CSMD1: variants seen among roughly 807,000 people sequenced by gnomAD.
CSMD1 encodes CUB and Sushi multiple domains 1.
In CSMD1, 213 loss-of-function variants were observed where a neutral mutation model predicts 417.5. That is an observed-to-expected ratio of 0.51 (90% confidence interval 0.46 to 0.57). The LOEUF is 0.57. CSMD1 is among the 20% of genes least tolerant of loss of function. CSMD1 has a pLI of 0.00. For missense variants in CSMD1, 6,923 were observed against 4,529.7 expected, an observed-to-expected ratio of 1.53 and a Z score of -15.17; for synonymous variants, 2,862 against 1,736.8, an observed-to-expected ratio of 1.65 and a Z score of -16.11.
intron 2 of CSMD1, among the ~76,000 whole-genome samples, chr8:4,437,052 G>A (rs1008305769): frequency 6.6e-6 from 1 of 152,036 alleles, no homozygotes; most frequent in East Asian, 1.9e-4. Flanking sequence ...TTTTCCTCAA[G>A]GTAATTTAAT....
chr8:4,201,394 C>T (rs978233146), intron 3 of CSMD1, among the ~76,000 whole-genome samples: 2 of 151,556 alleles, frequency 1.3e-5, no homozygotes, highest in Admixed American at 1.3e-4. Flanking sequence ...AAAAATTAGC[C>T]GGGGGTGGCG....
intron 5 of CSMD1, among the ~76,000 whole-genome samples, chr8:3,861,643 G>C (rs553340443): frequency 1.3e-5 from 2 of 152,328 alleles, no homozygotes; most frequent in African/African-American, 4.8e-5. Flanking sequence ...TTGTCTTGGA[G>C]ATGTATATGG....
chr8:3,838,411 G>C (rs1228392435), intron 5 of CSMD1, among the ~76,000 whole-genome samples: 1 of 148,470 alleles, frequency 6.7e-6, no homozygotes, highest in Non-Finnish European at 1.5e-5. Flanking sequence ...TATATATAGA[G>C]AGAGACTATA....
At chr8:4,110,178 C>G (rs151271846) in intron 3 of CSMD1, among the ~76,000 whole-genome samples, 4 of 152,132 alleles carry the variant, frequency 2.6e-5, no homozygotes, top group Non-Finnish European at 5.9e-5. Flanking sequence ...ATCTGGATCA[C>G]ATATCTAAAG....
chr8:4,688,829 G>C (rs1806574313), intron 1 of CSMD1, among the ~76,000 whole-genome samples: 1 of 152,196 alleles, frequency 6.6e-6, no homozygotes, highest in Non-Finnish European at 1.5e-5. Flanking sequence ...CAAGTGGTCT[G>C]ATGTGATGCC....
intron 5 of CSMD1, among the ~76,000 whole-genome samples, chr8:3,990,733 G>T (rs951238435): frequency 6.6e-6 from 1 of 152,144 alleles, no homozygotes; most frequent in African/African-American, 2.4e-5. Context: ...ACAGTCGATG[G>T]CTTCTCAGAG....
intron 54 of CSMD1, among the ~76,000 whole-genome samples, chr8:2,996,239 G>T (rs1314325003): frequency 1.3e-5 from 2 of 152,030 alleles, no homozygotes; most frequent in African/African-American, 4.8e-5. Context: ...CTGAACATAT[G>T]ACATATTTTA....
At chr8:3,689,959 G>C (rs1800150736) in intron 7 of CSMD1, among the ~76,000 whole-genome samples, 1 of 152,194 alleles carries the variant, frequency 6.6e-6, no homozygotes, top group Non-Finnish European at 1.5e-5. Flanking sequence ...GCTATACAGT[G>C]TCACCAGTAA....
At chr8:4,275,796 T>G (rs1169500188) in intron 3 of CSMD1, among the ~76,000 whole-genome samples, 1 of 152,226 alleles carries the variant, frequency 6.6e-6, no homozygotes, top group Non-Finnish European at 1.5e-5. Context: ...GCTATAACTT[T>G]GGCATGACTA....
At chr8:3,058,802 T>C (rs1027218176) in intron 49 of CSMD1, among the ~76,000 whole-genome samples, 2 of 151,784 alleles carry the variant, frequency 1.3e-5, no homozygotes, top group African/African-American at 2.4e-5. Context: ...CCACACACGG[T>C]TTACAAACAC....
At chr8:2,986,891 G>A (rs912738412) in intron 54 of CSMD1, among the ~76,000 whole-genome samples, 2 of 151,560 alleles carry the variant, frequency 1.3e-5, no homozygotes, top group Admixed American at 6.6e-5. Flanking sequence ...AAGTAATTGC[G>A]GTTTTTACTA....
intron 7 of CSMD1, among the ~76,000 whole-genome samples, chr8:3,628,065 G>C (rs955226770): frequency 6.6e-6 from 1 of 152,122 alleles, no homozygotes; most frequent in Non-Finnish European, 1.5e-5. Flanking sequence ...ACAGAACGTG[G>C]TGTAATTCTA....
chr8:3,450,690 G>C (rs76701995), intron 12 of CSMD1, among the ~76,000 whole-genome samples: 1 of 151,764 alleles, frequency 6.6e-6, no homozygotes, highest in South Asian at 2.1e-4. Flanking sequence ...TATATGTGCC[G>C]CATTTTCTTA....
intron 1 of CSMD1, among the ~76,000 whole-genome samples, chr8:4,682,954 TCATATATATA>T (rs1563134544): frequency 1.7e-5 from 1 of 58,852 alleles, no homozygotes; most frequent in Non-Finnish European, 3.1e-5. Context: ...ATAAGTATCT[TCATATATATA>T]TATATATATA....
intron 23 of CSMD1, among the ~76,000 whole-genome samples, chr8:3,319,904 A>G (rs1317939597): frequency 6.6e-6 from 1 of 151,886 alleles, no homozygotes; most frequent in Non-Finnish European, 1.5e-5. Flanking sequence ...ATGACTCATT[A>G]AAAAAACTTT....
intron 3 of CSMD1, among the ~76,000 whole-genome samples, chr8:4,321,412 G>T (rs1799269325): frequency 6.6e-6 from 1 of 152,056 alleles, no homozygotes. Flanking sequence ...TCCCAAACCT[G>T]CTGCTCCCAC....
chr8:3,471,226 G>A (rs983725938), intron 11 of CSMD1, among the ~76,000 whole-genome samples: 15 of 152,280 alleles, frequency 9.9e-5, no homozygotes, highest in African/African-American at 3.6e-4. Context: ...TAACTAATGG[G>A]TAATGATGTA....
chr8:4,573,643 G>C (rs1043507476), intron 2 of CSMD1, among the ~76,000 whole-genome samples: 5 of 152,114 alleles, frequency 3.3e-5, no homozygotes, highest in Non-Finnish European at 7.4e-5. Context: ...AGCAGAGCTT[G>C]AGTGCTGTGG....
chr8:3,865,097 C>T (rs1297568957), intron 5 of CSMD1, among the ~76,000 whole-genome samples: 1 of 152,146 alleles, frequency 6.6e-6, no homozygotes, highest in Non-Finnish European at 1.5e-5. Context: ...AACAATACTC[C>T]ACACACTATT....
Sources: gnomAD v4.1 joint callset for allele counts (sites outside exome capture counted in the v4.1 genomes callset) on GRCh38, gnomAD v4.1.1 for gene constraint, MANE v1.5 for transcripts, NCBI Gene and HGNC (gene_info 2026-07-23, HGNC 2026-07-21) for gene names.